Variants in HERC1 observed in about 807,000 individuals in gnomAD.
The protein encoded by HERC1 is probable E3 ubiquitin-protein ligase HERC1.
A neutral mutation model predicts 554.3 loss-of-function variants in HERC1; 160 were observed. That is an observed-to-expected ratio of 0.29 (90% confidence interval 0.25 to 0.33). HERC1 has a LOEUF of 0.33. Ranked by LOEUF, HERC1 falls within the 10% of genes least tolerant of loss-of-function variation. The probability of loss-of-function intolerance (pLI) is 1.00; values close to 1 mark genes in which losing one functional copy is unlikely to be tolerated. For missense variants in HERC1, 4,919 were observed against 5,918.5 expected (o/e 0.83, Z 5.54); for synonymous variants, 2,175 against 2,131.7 (o/e 1.02, Z -0.56).
chr15:63,822,060 C>T (rs1396163559), intron 1 of HERC1, among the ~76,000 whole-genome samples: 1 of 152,184 alleles, frequency 6.6e-6, no homozygotes, highest in African/African-American at 2.4e-5. Context: ...CTGAGGCACT[C>T]TCTTTAAACA....
Position 63,608,973 on chromosome 15 carries a change from G to T in HERC1, c.*108C>A. ...AAATGTGGCCATTGTTTATAATGTT[G>T]GTTTATGTTCTTATAACATCTATGT... On this transcript the variant is annotated 3_prime_UTR_variant, in exon 78 of 78. Coordinates refer to ENST00000443617, the MANE Select transcript of HERC1 (RefSeq NM_003922.4). 3 of 898,098 alleles carry T rather than the reference G, an allele frequency of 3.3e-6. No individual in the cohort carries two copies. Among genetic ancestry groups the T allele is most frequent in the Non-Finnish European group, 4.8e-6 (3 of 620,208 alleles). 55.6% of individuals were successfully genotyped at this position (898,098 alleles called of 1,614,324 possible).
At chr15:63,812,454 C>T (rs1200768005) in intron 1 of HERC1, among the ~76,000 whole-genome samples, 1 of 152,168 alleles carries the variant, frequency 6.6e-6, no homozygotes, top group Non-Finnish European at 1.5e-5. Context: ...ACATCTATTG[C>T]CTTGAGAATT....
chr15:63,721,571 G>A (rs1048913820), intron 19 of HERC1, among the ~76,000 whole-genome samples: 9 of 151,936 alleles, frequency 5.9e-5, no homozygotes, highest in Non-Finnish European at 1.3e-4. Flanking sequence ...ATTCAAAGGT[G>A]TCATCTTATT....
At chr15:63,642,391 A>C (rs2069112486) in intron 59 of HERC1, among the ~76,000 whole-genome samples, 1 of 152,144 alleles carries the variant, frequency 6.6e-6, no homozygotes, top group Non-Finnish European at 1.5e-5. Flanking sequence ...AGGTTGGAGT[A>C]CAATGGCGCA....
At chr15:63,783,241 C>T (rs1370598090) in intron 1 of HERC1, among the ~76,000 whole-genome samples, 5 of 152,086 alleles carry the variant, frequency 3.3e-5, no homozygotes, top group Non-Finnish European at 7.4e-5. Context: ...CCAATCAATG[C>T]AGCAAACTTC....
chr15:63,716,248 C>G (rs1334160024), intron 22 of HERC1, 54 bp downstream of exon 22: 1 of 1,493,290 alleles, frequency 6.7e-7, no homozygotes, highest in Non-Finnish European at 9.1e-7. Context: ...GTTAGTTCCC[C>G]TATCAAAAAG....
At position 63,752,775 on chromosome 15, in the gene HERC1, C is replaced by G. The variant is rs569474603; in HGVS notation, c.1902+183G>C. On this transcript the variant is annotated intron_variant, in intron 8 of 77. Coordinates refer to ENST00000443617, the MANE Select transcript of HERC1 (RefSeq NM_003922.4). ...CTAAGATTTATCTGGGTCACATATGCCAGGTTAGAAAACCTGGTTCCTTCT... is the reference window on the plus strand; with the variant it reads ...CTAAGATTTATCTGGGTCACATATGGCAGGTTAGAAAACCTGGTTCCTTCT... 64 of 512,234 alleles carry G rather than the reference C, an allele frequency of 1.2e-4. 1 individual carries two copies. The South Asian group carries it at 2.0e-3, about 16-fold the overall frequency. The allele number at this position is 512,234 out of a possible 1,614,324, so 31.7% of individuals were successfully genotyped here. A position where few individuals can be genotyped will look rare whatever the true frequency, so the allele number is the denominator to read the frequency against.
In HERC1 at chr15:63,694,988, G is replaced by GAAATAA; in HGVS notation, c.5122-95_5122-94insTTATTT. 6.1e-6 allele frequency: 7 copies of GAAATAA among 1,149,868 alleles called. No homozygotes were observed. Among genetic ancestry groups the GAAATAA allele is most frequent in the Non-Finnish European group, 8.4e-6 (7 of 836,040 alleles). 71.2% of individuals were successfully genotyped at this position (1,149,868 alleles called of 1,614,324 possible). ...AACATTTTATTTCTAGTCTATGCTA[G>GAAATAA]AGCCTTACGATGGTTTTTAATTATT... On this transcript the variant is annotated intron_variant, in intron 27 of 77. Coordinates refer to ENST00000443617, the MANE Select transcript of HERC1 (RefSeq NM_003922.4). The surrounding 1 kb of genome is among the most constrained non-coding windows in gnomAD (Gnocchi z 4.3).
At position 63,657,830 on chromosome 15, in the gene HERC1, C is replaced by CT. The variant is rs199774775; in HGVS notation, c.9599+713dup. On this transcript the variant is annotated intron_variant, in intron 48 of 77. Transcript: ENST00000443617. ...ATATAGTTTGAGGTTGGGACCAAGG[C>CT]TTTTTTTTTCTATGTGGATAAACCA... 2.5e-3 allele frequency among the ~76,000 whole-genome samples: 370 copies of CT among 150,898 alleles called. 1 individual carries two copies. The highest frequency in any genetic ancestry group is 0.023 in the South Asian group (111 of 4,756).
At chr15:63,816,599 T>G (rs1222913243) in intron 1 of HERC1, among the ~76,000 whole-genome samples, 2 of 152,198 alleles carry the variant, frequency 1.3e-5, no homozygotes, top group Non-Finnish European at 2.9e-5. Context: ...TGATGAGATT[T>G]TAACCTATTT....
At chr15:63,623,205 G>C (rs1415316599) in intron 73 of HERC1, among the ~76,000 whole-genome samples, 1 of 152,190 alleles carries the variant, frequency 6.6e-6, no homozygotes, top group African/African-American at 2.4e-5. Context: ...CATTATTTTA[G>C]TCACAGGGTT....
At chr15:63,793,341 GA>G (rs2076710935) in intron 1 of HERC1, among the ~76,000 whole-genome samples, 1 of 152,228 alleles carries the variant, frequency 6.6e-6, no homozygotes, top group African/African-American at 2.4e-5. Flanking sequence ...AGATGGCCAC[GA>G]AAGTGGCCTC....
At chr15:63,790,520 G>C (rs2076613289) in intron 1 of HERC1, among the ~76,000 whole-genome samples, 1 of 152,092 alleles carries the variant, frequency 6.6e-6, no homozygotes, top group Non-Finnish European at 1.5e-5. Context: ...GGAGCTTGCA[G>C]TGAGCCGAGA....
intron 1 of HERC1, among the ~76,000 whole-genome samples, chr15:63,805,764 C>A (rs1348019376): frequency 6.6e-6 from 1 of 151,876 alleles, no homozygotes; most frequent in Non-Finnish European, 1.5e-5. Flanking sequence ...CTGGGCAATA[C>A]AGGGAGACCC....
Position 63,718,136 on chromosome 15 carries a change from G to A in HERC1, c.3978+438C>T, listed in dbSNP as rs2073652927. ...CACACACACACACAACCCCCTCCTTGGTTTTCACTTCTCTAAGCTGAATAT... is the reference window on the plus strand; with the variant it reads ...CACACACACACACAACCCCCTCCTTAGTTTTCACTTCTCTAAGCTGAATAT... On this transcript the variant is annotated intron_variant, in intron 21 of 77. Transcript: ENST00000443617. The surrounding 1 kb of genome is among the most constrained non-coding windows in gnomAD (Gnocchi z 4.2). Among the ~76,000 whole-genome samples, 1 of 117,374 alleles carries A rather than the reference G, an allele frequency of 8.5e-6. No individual in the cohort carries two copies. Among genetic ancestry groups the A allele is most frequent in the African/African-American group, 3.0e-5 (1 of 33,040 alleles). 77.0% of individuals were successfully genotyped at this position (117,374 alleles called of 152,430 possible).
chr15:63,783,805 C>A lies in HERC1; in HGVS notation c.-26-8156G>T, dbSNP rs137916365. Reference sequence around the variant, plus strand: ...TGATCGGGCCGGGTGCAGTGGCTCACACCTGTAATCCCAACACTTTGGGAG... The same window carrying A: ...TGATCGGGCCGGGTGCAGTGGCTCAAACCTGTAATCCCAACACTTTGGGAG... On this transcript the variant is annotated intron_variant, in intron 1 of 77. Coordinates refer to ENST00000443617, the MANE Select transcript of HERC1 (RefSeq NM_003922.4). Among the ~76,000 whole-genome samples the A allele has an allele frequency of 2.5e-4, 38 of 152,280 alleles. 2 individuals carry two copies. In the East Asian group the frequency reaches 7.3e-3, roughly 29 times the overall value.
chr15:63,813,090 C>CA (rs2077381496), intron 1 of HERC1, among the ~76,000 whole-genome samples: 1 of 152,144 alleles, frequency 6.6e-6, no homozygotes, highest in Non-Finnish European at 1.5e-5. Context: ...TGCCAATCCT[C>CA]AAAAAGAAGA....
chr15:63,827,191 A>C (rs779225536), intron 1 of HERC1, among the ~76,000 whole-genome samples: 6 of 152,182 alleles, frequency 3.9e-5, no homozygotes, highest in Non-Finnish European at 8.8e-5. Context: ...TTGGAAGGCC[A>C]GTGTGAGAGG....
chr15:63,737,400 G>GATATATATATATATATCGTTTTTCCAGAT (rs2074559903), intron 12 of HERC1, among the ~76,000 whole-genome samples: 3 of 74,450 alleles, frequency 4.0e-5, no homozygotes, highest in African/African-American at 1.6e-4. Context: ...CGTTTTTCCA[G>GATATATATATATATATCGTTTTTCCAGAT]ATATATATAT....
Sources: gnomAD v4.1 joint callset for allele counts (sites outside exome capture counted in the v4.1 genomes callset) on GRCh38, gnomAD v4.1.1 for gene constraint, Gnocchi (gnomAD v3.1) non-coding constraint, MANE v1.5 for transcripts, NCBI Gene and HGNC (gene_info 2026-07-23, HGNC 2026-07-21) for gene names.